SLC39A4: variants seen among roughly 807,000 people sequenced by gnomAD.
SLC39A4 encodes zinc transporter ZIP4.
Under a neutral mutation model 56.6 loss-of-function variants are expected in SLC39A4, and 49 were observed. The observed-to-expected ratio is 0.87, with a 90% confidence interval of 0.69 to 1.10. The LOEUF is 1.10. SLC39A4 is among the 50% of genes least tolerant of loss of function. The probability of loss-of-function intolerance (pLI) is 0.00; values close to 1 mark genes in which losing one functional copy is unlikely to be tolerated. For missense variants in SLC39A4, 993 were observed against 864.2 expected, an observed-to-expected ratio of 1.15 and a Z score of -1.87; for synonymous variants, 540 against 420.4, an observed-to-expected ratio of 1.28 and a Z score of -3.48.
chr8:144,413,004 C>G (rs1554872123), intron 10 of SLC39A4, 58 bp from the exon 11 acceptor site: 5 of 1,531,296 alleles, frequency 3.3e-6, no homozygotes, highest in Non-Finnish European at 3.5e-6. Flanking sequence ...CCGCCCACCT[C>G]CTTTCGGTCC....
intron 5 of SLC39A4, 35 bp downstream of exon 5, chr8:144,414,690 T>C (rs781921051): frequency 6.2e-7 from 1 of 1,610,144 alleles, no homozygotes; most frequent in Non-Finnish European, 8.5e-7. Flanking sequence ...GCTCCACCTC[T>C]GTGCTGCCAG....
intron 5 of SLC39A4, 101 bp downstream of exon 5, chr8:144,414,624 C>G (rs926496615): frequency 6.5e-7 from 1 of 1,547,020 alleles, no homozygotes; most frequent in Non-Finnish European, 8.7e-7. Context: ...ACTTCCAGCC[C>G]CTGCTCACTC....
chr8:144,415,174 T>TA, intron 3 of SLC39A4, 53 bp downstream of exon 3: 2 of 1,612,674 alleles, frequency 1.2e-6, no homozygotes, highest in Non-Finnish European at 1.7e-6. Flanking sequence ...CCCAGGGACG[T>TA]GGAGGCTGGG....
At chr8:144,416,218 AC>A in intron 1 of SLC39A4, 127 bp from the exon 2 acceptor site, 1 of 1,585,620 alleles carries the variant, frequency 6.3e-7, no homozygotes, top group Non-Finnish European at 8.5e-7. Flanking sequence ...TCCTCTCTCA[AC>A]CCCTGGCGCC....
At chr8:144,416,229 C>T (rs782241012) in intron 1 of SLC39A4, 138 bp from the exon 2 acceptor site, 62 of 1,581,138 alleles carry the variant, frequency 3.9e-5, no homozygotes, top group Middle Eastern at 3.3e-4. Context: ...CCCCTGGCGC[C>T]CTTCCGTCTC....
At position 144,415,392 on chromosome 8, in the gene SLC39A4, C is replaced by T. The variant is rs1554873636; in HGVS notation, c.502G>A (p.Glu168Lys). The change falls in exon 3 of 12, where the codon GAG (glutamate) becomes AAG (lysine). Residue 168 changes from glutamate to lysine, a missense_variant. Physicochemically the swap from Glu to Lys is moderately conservative, Grantham distance 56. Transcript: ENST00000301305. ...GGAGCCCCCGCCCCCACCGCCTCCTCCAGCAGCTGAGGGATATCTACGCAG... is the reference window on the plus strand; with the variant it reads ...GGAGCCCCCGCCCCCACCGCCTCCTTCAGCAGCTGAGGGATATCTACGCAG... ...MACVDIPQLL[E>K]EAVGAGAPGS... 2 of 1,606,974 alleles carry T rather than the reference C, an allele frequency of 1.2e-6. No individual in the cohort carries two copies. Among genetic ancestry groups the T allele is most frequent in the South Asian group, 2.2e-5 (2 of 90,378 alleles).
At position 144,416,100 on chromosome 8, in the gene SLC39A4, A is replaced by G. The variant is rs1822183535; in HGVS notation, c.193-9T>C. ...TCCTCCACAGACAGGCACTGTGGGC[A>G]GAGACAAGTGAGCAGGGGCGCTGGG... On this transcript the variant is annotated splice_polypyrimidine_tract_variant and intron_variant, in intron 1 of 11. Coordinates refer to ENST00000301305, the MANE Select transcript of SLC39A4 (RefSeq NM_130849.4). The G allele has an allele frequency of 1.2e-6, 2 of 1,601,116 alleles. No individual in the cohort carries two copies. The highest frequency in any genetic ancestry group is 2.2e-5 in the South Asian group (2 of 89,474).
rs4535770 is a variant in SLC39A4 at position 144,414,092 on chromosome 8, G to A, written c.1153C>T (p.Leu385=). The part of the protein sequence containing the change: ...DAVLHLTPKV[L]GLHTHSEEGL... Reference sequence around the variant, plus strand: ...TCTTCGCTGTGTGTATGCAGCCCCAGCACCTGGGGAGTAGGGGCGCTGGGC... The same window carrying A: ...TCTTCGCTGTGTGTATGCAGCCCCAACACCTGGGGAGTAGGGGCGCTGGGC... Residue 385 remains leucine, a synonymous_variant, in exon 7 of 12, where the codon CTG becomes TTG. Coordinates refer to ENST00000301305, the MANE Select transcript of SLC39A4 (RefSeq NM_130849.4). The A allele has an allele frequency of 6.4e-7, 1 of 1,557,002 alleles. No homozygotes were observed. The highest frequency in any genetic ancestry group is 8.7e-7 in the Non-Finnish European group (1 of 1,150,724).
chr8:144,414,913 C>G lies in SLC39A4; in HGVS notation c.805-17G>C, dbSNP rs782015161. On this transcript the variant is annotated splice_polypyrimidine_tract_variant and intron_variant, in intron 4 of 11. Transcript: ENST00000301305. Reference sequence around the variant, plus strand: ...CAGGCATACCTGGGGGGTGGCAGGACAGGCTCAGGGGCCCAAGCAGACCCC... The same window carrying G: ...CAGGCATACCTGGGGGGTGGCAGGAGAGGCTCAGGGGCCCAAGCAGACCCC... The G allele has an allele frequency of 3.1e-6, 5 of 1,613,180 alleles. No homozygotes were observed. The South Asian group carries it at 5.5e-5, about 18-fold the overall frequency.
In SLC39A4 at chr8:144,414,418, G is replaced by A. The variant is rs781943516; in HGVS notation, c.993C>T (p.Ser331=). 8.3e-6 allele frequency: 13 copies of A among 1,560,564 alleles called. No individual in the cohort carries two copies. The South Asian group carries it at 1.2e-4, about 14-fold the overall frequency. ...AGAGGCAGATGAGCAGCGTGGCCAG[G>A]GAGCCGTACAGATACCCTGGGGGCG... ...LSQSERYLYG[S]LATLLICLCA... Residue 331 remains serine, a synonymous_variant, in exon 6 of 12, where the codon TCC becomes TCT. Coordinates refer to ENST00000301305, the MANE Select transcript of SLC39A4 (RefSeq NM_130849.4).
At position 144,414,080 on chromosome 8, in the gene SLC39A4, TATGC is replaced by T; in HGVS notation, c.1161_1164del (p.His390AlafsTer92). 1 of 1,558,858 alleles carries T rather than the reference TATGC, an allele frequency of 6.4e-7. No homozygotes were observed. The highest frequency in any genetic ancestry group is 8.7e-7 in the Non-Finnish European group (1 of 1,151,834). On this transcript the variant is annotated frameshift_variant, in exon 7 of 12. Coordinates refer to ENST00000301305, the MANE Select transcript of SLC39A4 (RefSeq NM_130849.4). LOFTEE classifies it high-confidence loss of function. Reference sequence around the variant, plus strand: ...GGGCTGAGGCCCTCTTCGCTGTGTGTATGCAGCCCCAGCACCTGGGGAGTAGGGG... The same window carrying T: ...GGGCTGAGGCCCTCTTCGCTGTGTGTAGCCCCAGCACCTGGGGAGTAGGGG...
At chr8:144,413,597 G>T in intron 8 of SLC39A4, 30 bp from the exon 9 acceptor site, 1 of 1,549,328 alleles carries the variant, frequency 6.5e-7, no homozygotes, top group South Asian at 1.2e-5. Context: ...AGTCCCGCCC[G>T]GAAGTGGAGG....
At chr8:144,414,663 C>T in intron 5 of SLC39A4, 62 bp downstream of exon 5, 1 of 1,596,188 alleles carries the variant, frequency 6.3e-7, no homozygotes, top group Non-Finnish European at 8.5e-7. Flanking sequence ...GGCAGCCACT[C>T]CTTCCTTCCT....
chr8:144,416,792 T>C lies in SLC39A4; in HGVS notation c.-3A>G, dbSNP rs782108180. On this transcript the variant is annotated 5_prime_UTR_variant, in exon 1 of 12. Transcript: ENST00000301305. ...TCCAGCGAGACCAGGGACGCCATACTCAGCTCCCAGCGTGCTCAGTGGGTG... is the reference window on the plus strand; with the variant it reads ...TCCAGCGAGACCAGGGACGCCATACCCAGCTCCCAGCGTGCTCAGTGGGTG... 9 of 1,611,240 alleles carry C rather than the reference T, an allele frequency of 5.6e-6. No homozygotes were observed. Among genetic ancestry groups the C allele is most frequent in the Non-Finnish European group, 7.6e-6 (9 of 1,179,636 alleles).
chr8:144,415,343 G>GC lies in SLC39A4; in HGVS notation c.550dup (p.Ala184GlyfsTer57). 2 of 1,611,932 alleles carry GC rather than the reference G, an allele frequency of 1.2e-6. No homozygotes were observed. The highest frequency in any genetic ancestry group is 1.7e-6 in the Non-Finnish European group (2 of 1,179,514). On this transcript the variant is annotated frameshift_variant, in exon 3 of 12. Transcript: ENST00000301305. LOFTEE classifies it high-confidence loss of function. ...GCTCCTGACATGGTCCAGCAGGGCA[G>GC]CCAGGACGCCGCCAGCACTGCCCGG... is the stretch of plus-strand genomic sequence containing the variant.
At position 144,416,180 on chromosome 8, in the gene SLC39A4, T is replaced by G. The variant is rs2280839; in HGVS notation, c.193-89A>C. 809,816 of 1,592,688 alleles carry G rather than the reference T, an allele frequency of 0.51. 208,081 individuals carry two copies. Among genetic ancestry groups the G allele is most frequent in the Middle Eastern group, 0.62 (3,738 of 6,034 alleles). On this transcript the variant is annotated intron_variant, in intron 1 of 11. Coordinates refer to ENST00000301305, the MANE Select transcript of SLC39A4 (RefSeq NM_130849.4). ...CCAGGGGCTTCCCCGAGGGCCTGTT[T>G]CCCTTTCAAGTCCAACAACGTCCAC...
In SLC39A4 at chr8:144,415,077, C is replaced by T. The variant is rs1554873430; in HGVS notation, c.701G>A (p.Gly234Asp). The change falls in exon 4 of 12, where the codon GGC becomes GAC. Residue 234 changes from glycine (G) to aspartate (D), a missense_variant. Gly to Asp is a moderately conservative substitution (Grantham distance 94). Coordinates refer to ENST00000301305, the MANE Select transcript of SLC39A4 (RefSeq NM_130849.4). ...LSALMQRLGV[G>D]REAHSDHSHR... is the part of the protein sequence containing the mutation. The stretch of plus-strand genomic sequence containing the variant: ...ACTGTGGTCACTGTGGGCCTCCCTG[C>T]CCACCCCCAGGCGCTGCATCAAGGC... The T allele has an allele frequency of 5.0e-6, 8 of 1,611,530 alleles. No homozygotes were observed. The highest frequency in any genetic ancestry group is 6.8e-6 in the Non-Finnish European group (8 of 1,179,926).
chr8:144,412,989 A>C (rs554708114), intron 10 of SLC39A4, 43 bp from the exon 11 acceptor site: 1 of 1,547,078 alleles, frequency 6.5e-7, no homozygotes, highest in African/African-American at 1.4e-5. Context: ...TCCTAGCTAC[A>C]TGCCCCGCCC....
At chr8:144,413,436 C>A (rs782130218) in intron 9 of SLC39A4, 47 bp from the exon 10 acceptor site, 1 of 1,592,700 alleles carries the variant, frequency 6.3e-7, no homozygotes, top group Non-Finnish European at 8.5e-7. Context: ...TCGCCTACCG[C>A]CAAGCCTTGG....
Sources: gnomAD v4.1 joint callset for allele counts on GRCh38, gnomAD v4.1.1 for gene constraint, MANE v1.5 for transcripts, NCBI Gene and HGNC (gene_info 2026-07-23, HGNC 2026-07-21) for gene names.